The following COL25A1 variants were observed in gnomAD, a reference collection of about 807,000 sequenced individuals.
COL25A1 encodes collagen alpha-1(XXV) chain.
COL25A1 carries 103 observed loss-of-function variants against 128.4 expected under a neutral mutation model. The ratio of observed to expected loss-of-function variants is 0.80; its 90% CI spans 0.68 to 0.94. COL25A1 has a LOEUF of 0.94. Among genes scored for constraint, COL25A1 ranks in the 40% least tolerant of loss-of-function variants. The probability of loss-of-function intolerance (pLI) is 0.00; values close to 1 mark genes in which losing one functional copy is unlikely to be tolerated. For synonymous variants in COL25A1, 279 were observed against 277.2 expected, an observed-to-expected ratio of 1.01 and a Z score of -0.06; for missense variants, 745 against 840.0, an observed-to-expected ratio of 0.89 and a Z score of 1.40.
intron 3 of COL25A1, among the ~76,000 whole-genome samples, chr4:109,163,907 T>C (rs1382859197): frequency 6.6e-6 from 1 of 152,210 alleles, no homozygotes. Context: ...AATTGGTCTA[T>C]GTTGATGATC....
chr4:108,887,333 T>C (rs947107081), intron 18 of COL25A1, among the ~76,000 whole-genome samples: 8 of 152,168 alleles, frequency 5.3e-5, no homozygotes, highest in Non-Finnish European at 1.0e-4. Flanking sequence ...GAAAATGCCG[T>C]GGAAGATCTC....
At chr4:108,831,799 A>G (rs1733154451) in intron 32 of COL25A1, among the ~76,000 whole-genome samples, 1 of 152,012 alleles carries the variant, frequency 6.6e-6, no homozygotes, top group African/African-American at 2.4e-5. Context: ...TTTTTCCCCC[A>G]AAAGATATGG....
chr4:108,826,267 G>C (rs1732367624), intron 33 of COL25A1, among the ~76,000 whole-genome samples: 1 of 152,194 alleles, frequency 6.6e-6, no homozygotes, highest in South Asian at 2.1e-4. Context: ...GCCGGGCGCA[G>C]TGTCTCACGC....
chr4:108,841,726 A>C lies in COL25A1; in HGVS notation c.1630-5T>G. On this transcript the variant is annotated splice_region_variant and splice_polypyrimidine_tract_variant and intron_variant, in intron 30 of 37. Coordinates refer to ENST00000399132, the MANE Select transcript of COL25A1 (RefSeq NM_198721.4). ...TCCAGGAAGTCCATGAGGTCCCTGA[A>C]AATGGAAAACAGAGCTTTTAATTAA... 1 of 1,609,654 alleles carries C rather than the reference A, an allele frequency of 6.2e-7. No homozygotes were observed. The highest frequency in any genetic ancestry group is 8.5e-7 in the Non-Finnish European group (1 of 1,176,116).
At chr4:109,172,941 T>C (rs148933039) in intron 3 of COL25A1, among the ~76,000 whole-genome samples, 2 of 152,346 alleles carry the variant, frequency 1.3e-5, no homozygotes, top group African/African-American at 4.8e-5. Context: ...ATGTCATCTT[T>C]AAGCATTTCA....
At chr4:109,101,019 G>A (rs1198595101) in intron 3 of COL25A1, among the ~76,000 whole-genome samples, 1 of 152,152 alleles carries the variant, frequency 6.6e-6, no homozygotes, top group Non-Finnish European at 1.5e-5. Flanking sequence ...GGCCATCATT[G>A]TAGGAAAATT....
intron 3 of COL25A1, among the ~76,000 whole-genome samples, chr4:109,090,314 T>C (rs1764783719): frequency 1.3e-5 from 2 of 152,168 alleles, no homozygotes; most frequent in South Asian, 2.1e-4. Flanking sequence ...CCCTTATGAT[T>C]TCCTTGTTAG....
intron 6 of COL25A1, among the ~76,000 whole-genome samples, chr4:109,003,521 C>T (rs763378244): frequency 6.6e-6 from 1 of 152,222 alleles, no homozygotes; most frequent in African/African-American, 2.4e-5. Context: ...ATATAAAAGG[C>T]CGGGCATGGT....
chr4:109,153,482 A>G (rs564802650), intron 3 of COL25A1, among the ~76,000 whole-genome samples: 29 of 152,262 alleles, frequency 1.9e-4, no homozygotes, highest in Admixed American at 7.2e-4. Context: ...GTGCTAAACC[A>G]AAGGGAAATA....
chr4:109,034,665 G>A (rs2125919274), intron 5 of COL25A1, among the ~76,000 whole-genome samples: 1 of 152,194 alleles, frequency 6.6e-6, no homozygotes, highest in East Asian at 1.9e-4. Context: ...ACTTTACATG[G>A]TTTGAAGATA....
chr4:109,231,211 T>C (rs1283244772), intron 3 of COL25A1, among the ~76,000 whole-genome samples: 4 of 151,898 alleles, frequency 2.6e-5, no homozygotes, highest in Non-Finnish European at 1.5e-5. Flanking sequence ...ATCAATAAAA[T>C]TATTCATGGC....
intron 3 of COL25A1, among the ~76,000 whole-genome samples, chr4:109,218,356 G>T (rs1322047864): frequency 0.021 from 2,084 of 100,212 alleles, 103 homozygotes; most frequent in African/African-American, 0.08. Flanking sequence ...GGTTTTTTGG[G>T]GTTTTTTTTT....
intron 3 of COL25A1, among the ~76,000 whole-genome samples, chr4:109,215,232 A>C (rs1485062706): frequency 6.6e-6 from 1 of 152,154 alleles, no homozygotes; most frequent in East Asian, 1.9e-4. Flanking sequence ...TCCTTCACAA[A>C]ATGAAGATTT....
intron 11 of COL25A1, among the ~76,000 whole-genome samples, chr4:108,930,817 G>C (rs1048533523): frequency 6.6e-6 from 1 of 152,134 alleles, no homozygotes; most frequent in African/African-American, 2.4e-5. Flanking sequence ...TTATTAGGTT[G>C]GTTTATAACT....
At chr4:108,937,020 G>A (rs1168625281) in intron 11 of COL25A1, among the ~76,000 whole-genome samples, 1 of 151,962 alleles carries the variant, frequency 6.6e-6, no homozygotes, top group African/African-American at 2.4e-5. Context: ...GCTGATTGTG[G>A]TCACCTGCCA....
At chr4:108,881,565 C>A (rs1482092796) in intron 19 of COL25A1, among the ~76,000 whole-genome samples, 1 of 152,166 alleles carries the variant, frequency 6.6e-6, no homozygotes, top group Non-Finnish European at 1.5e-5. Context: ...GTGGTTTCAT[C>A]TTTTAAATAC....
At chr4:109,100,917 G>A (rs1331255511) in intron 3 of COL25A1, among the ~76,000 whole-genome samples, 1 of 152,154 alleles carries the variant, frequency 6.6e-6, no homozygotes, top group Non-Finnish European at 1.5e-5. Context: ...TGATGGTTAT[G>A]AAAAGGTGAT....
chr4:109,189,547 CAA>C (rs33989375), intron 3 of COL25A1, among the ~76,000 whole-genome samples: 81 of 53,580 alleles, frequency 1.5e-3, no homozygotes, highest in Admixed American at 2.8e-3. Flanking sequence ...GACTCCATCT[CAA>C]AAAAAAAAAA....
chr4:109,004,983 A>C (rs1350473774), intron 6 of COL25A1, among the ~76,000 whole-genome samples: 1 of 152,244 alleles, frequency 6.6e-6, no homozygotes, highest in Non-Finnish European at 1.5e-5. Flanking sequence ...GTCTTTTAAT[A>C]AACTTTAAAG....
Sources: allele counts gnomAD v4.1 joint callset (sites outside exome capture counted in the v4.1 genomes callset), GRCh38; gene constraint gnomAD v4.1.1; transcripts MANE v1.5; gene names NCBI Gene and HGNC (gene_info 2026-07-23, HGNC 2026-07-21).